Variants in PCDHGA8 observed in about 807,000 individuals in gnomAD.
The protein encoded by PCDHGA8 is protocadherin gamma subfamily A, 8.
PCDHGA8 carries 45 observed loss-of-function variants against 59.2 expected under a neutral mutation model. That is an observed-to-expected ratio of 0.76 (90% confidence interval 0.60 to 0.98). The LOEUF (loss-of-function observed/expected upper bound fraction) is 0.98. Ranked by LOEUF, PCDHGA8 falls within the 50% of genes least tolerant of loss-of-function variation. The pLI is 0.00. For missense variants in PCDHGA8, 1,257 were observed against 1,196.2 expected (o/e 1.05, Z -0.75); for synonymous variants, 531 against 519.0 (o/e 1.02, Z -0.32).
intron 1 of PCDHGA8, chr5:141,399,270 A>G (rs1318152877): frequency 1.2e-6 from 2 of 1,613,854 alleles, no homozygotes; most frequent in African/African-American, 1.3e-5. Flanking sequence ...TTAATTGTCA[A>G]TTACAAGGCG....
chr5:141,414,066 A>G, intron 1 of PCDHGA8: 2 of 1,608,358 alleles, frequency 1.2e-6, no homozygotes, highest in African/African-American at 1.3e-5. Context: ...TGAAGTTCCA[A>G]CTAAACAAAT....
rs989814835 is a variant in PCDHGA8 at position 141,394,489 on chromosome 5, C to T, written c.1676C>T (p.Ala559Val). 3.1e-6 allele frequency: 5 copies of T among 1,614,122 alleles called. No individual in the cohort carries two copies. The highest frequency in any genetic ancestry group is 4.2e-6 in the Non-Finnish European group (5 of 1,180,052). Residue 559 changes from alanine (A) to valine (V), a missense_variant, in exon 1 of 4, where the codon GCG becomes GTG. By Grantham distance (64) the Ala-to-Val change is moderately conservative. Coordinates refer to ENST00000398604, the MANE Select transcript of PCDHGA8 (RefSeq NM_032088.2). The stretch of plus-strand genomic sequence containing the variant: ...TTCGTGCTGGACCAGAATGACAACG[C>T]GCCCGAGATCCTGTACCCCGCCCTC... Reference protein sequence around the residue: ...SLFVLDQNDNAPEILYPALPT... With the variant: ...SLFVLDQNDNVPEILYPALPT...
chr5:141,404,897 C>T, intron 1 of PCDHGA8: 2 of 1,613,920 alleles, frequency 1.2e-6, no homozygotes, highest in Non-Finnish European at 1.7e-6. Flanking sequence ...TGTACAGGAC[C>T]ATGGCCAGCC....
chr5:141,429,232 G>T (rs938585192), intron 1 of PCDHGA8: 2 of 151,668 alleles, frequency 1.3e-5, no homozygotes, highest in Non-Finnish European at 2.9e-5. Flanking sequence ...TTATGATACT[G>T]CTGTCATTGA....
intron 1 of PCDHGA8, among the ~76,000 whole-genome samples, chr5:141,434,225 G>A (rs1591320318): frequency 6.6e-6 from 1 of 152,146 alleles, no homozygotes; most frequent in African/African-American, 2.4e-5. Flanking sequence ...AACAAAGTAC[G>A]ATTTCTGGAC....
At chr5:141,502,441 GAT>G (rs2099814262) in intron 2 of PCDHGA8, among the ~76,000 whole-genome samples, 1 of 152,000 alleles carries the variant, frequency 6.6e-6, no homozygotes, top group Non-Finnish European at 1.5e-5. Flanking sequence ...GTTAGATTCA[GAT>G]TACACACCTT....
intron 2 of PCDHGA8, among the ~76,000 whole-genome samples, chr5:141,496,753 A>G (rs2099771084): frequency 6.6e-6 from 1 of 152,166 alleles, no homozygotes; most frequent in Admixed American, 6.5e-5. Flanking sequence ...TTCAACAAAT[A>G]TTTATCGAGC....
At chr5:141,498,361 T>C (rs1256361883) in intron 2 of PCDHGA8, among the ~76,000 whole-genome samples, 1 of 151,460 alleles carries the variant, frequency 6.6e-6, no homozygotes, top group African/African-American at 2.4e-5. Flanking sequence ...GCAAAAGCCT[T>C]GTGGTGAGGC....
At chr5:141,401,098 C>T (rs1589430206) in intron 1 of PCDHGA8, among the ~76,000 whole-genome samples, 1 of 152,110 alleles carries the variant, frequency 6.6e-6, no homozygotes, top group East Asian at 1.9e-4. Context: ...AATCCCAGCA[C>T]TTTGGGAGGC....
In PCDHGA8 at chr5:141,489,594, TGTAGAG is replaced by T. The variant is rs1298302866; in HGVS notation, c.2425-5206_2425-5201del. 1 of 1,613,958 alleles carries T rather than the reference TGTAGAG, an allele frequency of 6.2e-7. No homozygotes were observed. The highest frequency in any genetic ancestry group is 1.3e-5 in the African/African-American group (1 of 74,906). ...CTGAACACCCCCTGGAGCTAATCCG[TGTAGAG>T]GTAGAGATCCTGGATCTCAATGACA... On this transcript the variant is annotated intron_variant, in intron 1 of 3. Coordinates refer to ENST00000398604, the MANE Select transcript of PCDHGA8 (RefSeq NM_032088.2). The surrounding 1 kb of genome is among the most constrained non-coding windows in gnomAD (Gnocchi z 4.5).
chr5:141,507,716 C>T (rs567867232), intron 3 of PCDHGA8, among the ~76,000 whole-genome samples: 1 of 152,372 alleles, frequency 6.6e-6, no homozygotes, highest in South Asian at 2.1e-4. Flanking sequence ...CCCAAACCCT[C>T]CAAGCAAGTC....
chr5:141,485,865 C>A lies in PCDHGA8; in HGVS notation c.2425-8942C>A. ...TCTGGCACCGCAGAGCTCCGGGTAT[C>A]CGTGCTGGACGTAAACGACAACGCC... On this transcript the variant is annotated intron_variant, in intron 1 of 3. Transcript: ENST00000398604. The surrounding 1 kb of genome is among the most constrained non-coding windows in gnomAD (Gnocchi z 5.7). 1 of 1,614,182 alleles carries A rather than the reference C, an allele frequency of 6.2e-7. No homozygotes were observed. The highest frequency in any genetic ancestry group is 8.5e-7 in the Non-Finnish European group (1 of 1,180,034).
chr5:141,500,403 G>GT (rs2099800018), intron 2 of PCDHGA8, among the ~76,000 whole-genome samples: 1 of 151,706 alleles, frequency 6.6e-6, no homozygotes, highest in Non-Finnish European at 1.5e-5. Context: ...TAGAGACGGG[G>GT]TTTCACCGTG....
At chr5:141,404,039 G>A in intron 1 of PCDHGA8, 1 of 1,613,750 alleles carries the variant, frequency 6.2e-7, no homozygotes, top group Non-Finnish European at 8.5e-7. Context: ...CGCACCTCAG[G>A]GAACAGTAAT....
At chr5:141,475,813 T>C in intron 1 of PCDHGA8, 1 of 334,788 alleles carries the variant, frequency 3.0e-6, no homozygotes, top group East Asian at 5.5e-5. Flanking sequence ...GAAAGTGAAG[T>C]TCCTGGCGCT....
At chr5:141,399,847 G>T (rs746731144) in intron 1 of PCDHGA8, 19 of 1,612,874 alleles carry the variant, frequency 1.2e-5, no homozygotes, top group Middle Eastern at 1.7e-4. Flanking sequence ...CTTCGATATG[G>T]TGCCGCGCGC....
intron 1 of PCDHGA8, among the ~76,000 whole-genome samples, chr5:141,463,049 T>C (rs529642816): frequency 3.9e-4 from 60 of 152,326 alleles, no homozygotes; most frequent in African/African-American, 1.3e-3. Context: ...CAGCAGGGTC[T>C]CTTTATTATG....
At chr5:141,500,026 T>G (rs1297397353) in intron 2 of PCDHGA8, among the ~76,000 whole-genome samples, 1 of 151,974 alleles carries the variant, frequency 6.6e-6, no homozygotes, top group Non-Finnish European at 1.5e-5. Flanking sequence ...TATATTTGAG[T>G]GAGTGTCTCT....
chr5:141,404,215 G>A, intron 1 of PCDHGA8: 1 of 1,613,346 alleles, frequency 6.2e-7, no homozygotes, highest in Non-Finnish European at 8.5e-7. Context: ...ATAATATCAC[G>A]GTGACTGCAA....
Sources: allele counts gnomAD v4.1 joint callset (sites outside exome capture counted in the v4.1 genomes callset), GRCh38; gene constraint gnomAD v4.1.1; non-coding constraint Gnocchi (gnomAD v3.1); transcripts MANE v1.5; gene names NCBI Gene and HGNC (gene_info 2026-07-23, HGNC 2026-07-21).